The following RAD17 variants were observed in gnomAD, a reference collection of about 807,000 sequenced individuals.
The protein encoded by RAD17 is RAD17 checkpoint clamp loader component.
In RAD17, 31 loss-of-function variants were observed where a neutral mutation model predicts 81.5. The observed-to-expected ratio is 0.38, with a 90% CI of 0.29 to 0.51. The LOEUF is 0.51. Ranked by LOEUF, RAD17 falls within the 20% of genes least tolerant of loss-of-function variation. The probability of loss-of-function intolerance (pLI) is 0.88; values close to 1 mark genes in which losing one functional copy is unlikely to be tolerated. For missense variants in RAD17, 681 were observed against 781.2 expected, an observed-to-expected ratio of 0.87 and a Z score of 1.53; for synonymous variants, 261 against 266.2, an observed-to-expected ratio of 0.98 and a Z score of 0.19.
rs368501755 is a variant in RAD17 at position 69,379,586 on chromosome 5, G to A, written c.352-2315G>A. On this transcript the variant is annotated intron_variant, in intron 6 of 18. Coordinates refer to ENST00000354868, the MANE Select transcript of RAD17 (RefSeq NM_133338.3). ...CACTTAGCTTAAAACACAAATAAAT[G>A]GTACGGCTGTACAAAAATATTTTGT... 8.6e-5 allele frequency among the ~76,000 whole-genome samples: 13 copies of A among 151,898 alleles called. No individual in the cohort carries two copies. In the East Asian group the frequency reaches 1.7e-3, roughly 20 times the overall value.
At chr5:69,369,643 G>A, upstream of RAD17, 3 of 1,563,146 alleles carry the variant, frequency 1.9e-6, no homozygotes, top group Non-Finnish European at 2.6e-6. Context: ...GCCCAGCCGC[G>A]GCCCACTGGT....
intron 6 of RAD17, among the ~76,000 whole-genome samples, chr5:69,375,547 C>T (rs897015364): frequency 6.6e-6 from 1 of 151,968 alleles, no homozygotes; most frequent in Non-Finnish European, 1.5e-5. Context: ...AGAATATACT[C>T]ATTGTTTCCC....
intron 6 of RAD17, among the ~76,000 whole-genome samples, chr5:69,377,377 G>A (rs1763403480): frequency 7.0e-6 from 1 of 142,640 alleles, no homozygotes; most frequent in Admixed American, 7.2e-5. Context: ...ACCTACATTG[G>A]TGTTACTATT....
intron 7 of RAD17, among the ~76,000 whole-genome samples, chr5:69,382,656 G>A (rs925686996): frequency 1.3e-5 from 2 of 152,072 alleles, no homozygotes; most frequent in African/African-American, 2.4e-5. Flanking sequence ...CTTAAGATGT[G>A]TTAAAAAGAA....
intron 16 of RAD17, among the ~76,000 whole-genome samples, chr5:69,398,868 T>TAAAAA (rs72281552): frequency 0.067 from 7,306 of 109,662 alleles, 416 homozygotes; most frequent in Non-Finnish European, 0.1. Context: ...ATCTCCTGGT[T>TAAAAA]AAAAAAAAAA....
chr5:69,378,083 C>T (rs1440664241), intron 6 of RAD17, among the ~76,000 whole-genome samples: 1 of 152,146 alleles, frequency 6.6e-6, no homozygotes, highest in Non-Finnish European at 1.5e-5. Flanking sequence ...TAGGCATGAG[C>T]CACACCATGC....
At chr5:69,373,686 ATTTTTTTT>A (rs56385833) in intron 4 of RAD17, 136 bp from the exon 5 acceptor site, 11 of 251,918 alleles carry the variant, frequency 4.4e-5, no homozygotes, top group African/African-American at 2.0e-4. Context: ...TCTCAAAAAA[ATTTTTTTT>A]TTTTTTTTTT....
chr5:69,406,915 CTA>C (rs1210689049), intron 17 of RAD17, among the ~76,000 whole-genome samples: 2 of 150,586 alleles, frequency 1.3e-5, no homozygotes, highest in African/African-American at 4.9e-5. Flanking sequence ...AGTCATTCTA[CTA>C]TATATATATT....
At chr5:69,405,687 ACT>A (rs1561273871) in intron 17 of RAD17, among the ~76,000 whole-genome samples, 1 of 151,278 alleles carries the variant, frequency 6.6e-6, no homozygotes, top group African/African-American at 2.4e-5. Flanking sequence ...CAAAAAAAAA[ACT>A]CTAAAAATAG....
At chr5:69,410,403 A>G in intron 17 of RAD17, 90 bp from the exon 18 acceptor site, 1 of 936,482 alleles carries the variant, frequency 1.1e-6, no homozygotes, top group South Asian at 1.4e-5. Flanking sequence ...TCTAAAGATT[A>G]GTGATGTTCA....
rs147597200 is a variant in RAD17, at chr5:69,386,440, G to A, written c.869G>A (p.Arg290Gln). The change falls in exon 11 of 19, where the codon CGA becomes CAA. Residue 290 changes from arginine to glutamine, a missense_variant. Physicochemically the swap from Arg to Gln is conservative, Grantham distance 43 (BLOSUM62 1). Transcript: ENST00000354868. ...ACAATTATGATGAAATTTCTTAATCGAATAGTGACTATAGAAGCTAACAAG... is the reference window on the plus strand; with the variant it reads ...ACAATTATGATGAAATTTCTTAATCAAATAGTGACTATAGAAGCTAACAAG... ...APTIMMKFLN[R>Q]IVTIEANKNG... 47 of 1,598,136 alleles carry A rather than the reference G, an allele frequency of 2.9e-5. No homozygotes were observed. Among genetic ancestry groups the A allele is most frequent in the Admixed American group, 8.6e-5 (5 of 57,868 alleles).
Position 69,386,277 on chromosome 5 carries a change from C to A in RAD17, c.796C>A (p.Gln266Lys). The A allele has an allele frequency of 6.2e-7, 1 of 1,605,350 alleles. No individual in the cohort carries two copies. Among genetic ancestry groups the A allele is most frequent in the Non-Finnish European group, 8.5e-7 (1 of 1,174,930 alleles). ...AAGGTTATTGTTTCCCAAAGAAATT[C>A]AGGAAGAGTGTTCTATCTCAAATAT... ...NQRLLFPKEI[Q>K]EECSISNISF... Residue 266 changes from glutamine (Q) to lysine (K), a missense_variant, in exon 10 of 19, where the codon CAG (glutamine) becomes AAG (lysine). Physicochemically the swap from Gln to Lys is moderately conservative, Grantham distance 53. Transcript: ENST00000354868.
intron 17 of RAD17, among the ~76,000 whole-genome samples, chr5:69,406,866 T>C (rs1175596228): frequency 6.6e-6 from 1 of 152,020 alleles, no homozygotes; most frequent in East Asian, 1.9e-4. Context: ...GCCACAAAAA[T>C]AATAACTCTG....
At chr5:69,394,361 C>T (rs1427114829) in intron 15 of RAD17, among the ~76,000 whole-genome samples, 2 of 151,926 alleles carry the variant, frequency 1.3e-5, no homozygotes, top group Non-Finnish European at 2.9e-5. Flanking sequence ...CCATGCCCAG[C>T]CCCAGCTTAT....
intron 1 of RAD17, among the ~76,000 whole-genome samples, chr5:69,370,507 T>G (rs4252214): frequency 5.3e-5 from 8 of 151,988 alleles, no homozygotes; most frequent in African/African-American, 1.7e-4. Context: ...GCCCGGCTAA[T>G]TTTTGCATTT....
intron 16 of RAD17, among the ~76,000 whole-genome samples, chr5:69,399,815 ATTG>A (rs546254829): frequency 1.2e-3 from 186 of 152,258 alleles, no homozygotes; most frequent in African/African-American, 4.3e-3. Flanking sequence ...TCTTTTAAAA[ATTG>A]TTGTTTATTA....
rs1464698190 is a variant in RAD17, at chr5:69,386,187, G to A, written c.706G>A (p.Val236Met). 8 of 1,604,474 alleles carry A rather than the reference G, an allele frequency of 5.0e-6. No homozygotes were observed. Among genetic ancestry groups the A allele is most frequent in the East Asian group, 2.2e-5 (1 of 44,570 alleles). ...TGTATTTTGTTATTTTAGGAAGTATGTGAGGATTGGTCGATGTCCTCTTAT... is the reference window on the plus strand; with the variant it reads ...TGTATTTTGTTATTTTAGGAAGTATATGAGGATTGGTCGATGTCCTCTTAT... ...HTLHEVLRKY[V>M]RIGRCPLIFI... The change falls in exon 10 of 19, where the codon GTG becomes ATG. Residue 236 changes from valine (V) to methionine (M), a missense_variant. By Grantham distance (21) the Val-to-Met change is conservative. Transcript: ENST00000354868.
At chr5:69,387,473 A>G (rs530840796) in intron 11 of RAD17, among the ~76,000 whole-genome samples, 7 of 152,196 alleles carry the variant, frequency 4.6e-5, no homozygotes, top group African/African-American at 1.4e-4. Context: ...AATAAATAAC[A>G]GATATTAATA....
At chr5:69,406,329 T>TA (rs1765601283) in intron 17 of RAD17, among the ~76,000 whole-genome samples, 1 of 152,120 alleles carries the variant, frequency 6.6e-6, no homozygotes, top group African/African-American at 2.4e-5. Flanking sequence ...ATATAGGAGC[T>TA]AAAAAAGTTG....
Sources: gnomAD v4.1 joint callset for allele counts (sites outside exome capture counted in the v4.1 genomes callset) on GRCh38, gnomAD v4.1.1 for gene constraint, MANE v1.5 for transcripts, NCBI Gene and HGNC (gene_info 2026-07-23, HGNC 2026-07-21) for gene names.